The following NLGN1 variants were observed in gnomAD, a reference collection of about 807,000 sequenced individuals.
NLGN1 encodes the protein neuroligin-1.
In NLGN1, 12 loss-of-function variants were observed where a neutral mutation model predicts 65.5. The ratio of observed to expected loss-of-function variants is 0.18; its 90% CI spans 0.12 to 0.30. The LOEUF (loss-of-function observed/expected upper bound fraction) is 0.30, where lower values mean the gene tolerates loss of function less well. Among genes scored for constraint, NLGN1 ranks in the 10% least tolerant of loss-of-function variants. NLGN1 has a pLI of 1.00. For missense variants in NLGN1, 750 were observed against 1,007.1 expected (o/e 0.74, Z 3.46); for synonymous variants, 350 against 359.5 (o/e 0.97, Z 0.30).
At chr3:173,988,237 A>G (rs965309436) in intron 4 of NLGN1, among the ~76,000 whole-genome samples, 1 of 152,190 alleles carries the variant, frequency 6.6e-6, no homozygotes, top group African/African-American at 2.4e-5. Context: ...TCAGGGGACT[A>G]GAATTGGGGC....
At chr3:173,749,747 T>A (rs553675760) in intron 3 of NLGN1, among the ~76,000 whole-genome samples, 4 of 152,216 alleles carry the variant, frequency 2.6e-5, no homozygotes, top group African/African-American at 9.6e-5. Context: ...TTATAACCTA[T>A]TAAACATTAC....
intron 3 of NLGN1, among the ~76,000 whole-genome samples, chr3:173,780,978 A>G (rs2046723): frequency 0.79 from 120,045 of 151,108 alleles, 48,578 homozygotes; most frequent in Non-Finnish European, 0.86. Context: ...CGTCTCTAGT[A>G]AAAAATACAA....
At chr3:174,056,697 G>A (rs1326803534) in intron 4 of NLGN1, among the ~76,000 whole-genome samples, 1 of 151,876 alleles carries the variant, frequency 6.6e-6, no homozygotes, top group Non-Finnish European at 1.5e-5. Context: ...AACACTAAGT[G>A]TCTGTATGCC....
At chr3:173,528,820 A>G (rs943364861) in intron 2 of NLGN1, among the ~76,000 whole-genome samples, 5 of 151,972 alleles carry the variant, frequency 3.3e-5, no homozygotes, top group Admixed American at 3.3e-4. Context: ...TAAGACATCT[A>G]TCTCTTCCTT....
At chr3:173,499,006 C>T (rs1273170382) in intron 2 of NLGN1, among the ~76,000 whole-genome samples, 1 of 151,046 alleles carries the variant, frequency 6.6e-6, no homozygotes, top group Non-Finnish European at 1.5e-5. Context: ...CTGTAGGTTG[C>T]CTGTTCACTC....
chr3:173,868,742 C>T (rs1730648006), intron 4 of NLGN1, among the ~76,000 whole-genome samples: 1 of 152,176 alleles, frequency 6.6e-6, no homozygotes, highest in East Asian at 1.9e-4. Context: ...GCCCTATCTC[C>T]AAAGAATCTG....
At chr3:173,797,301 C>T (rs915813766) in intron 3 of NLGN1, among the ~76,000 whole-genome samples, 3 of 152,128 alleles carry the variant, frequency 2.0e-5, no homozygotes, top group Non-Finnish European at 4.4e-5. Flanking sequence ...TACCAACCCT[C>T]TTCTTCCTAG....
intron 2 of NLGN1, among the ~76,000 whole-genome samples, chr3:173,531,684 AAAGTT>A (rs1560393142): frequency 1.3e-5 from 2 of 152,096 alleles, no homozygotes; most frequent in South Asian, 2.1e-4. Flanking sequence ...CTTTATATTC[AAAGTT>A]AAGTTAACCA....
chr3:173,874,487 G>A (rs1180096318), intron 4 of NLGN1, among the ~76,000 whole-genome samples: 1 of 152,048 alleles, frequency 6.6e-6, no homozygotes, highest in Non-Finnish European at 1.5e-5. Flanking sequence ...ATCTAGCAAG[G>A]GAATATAATT....
intron 2 of NLGN1, among the ~76,000 whole-genome samples, chr3:173,547,075 A>T (rs1470523891): frequency 2.6e-5 from 4 of 152,142 alleles, no homozygotes; most frequent in Non-Finnish European, 4.4e-5. Context: ...GAGATACTCC[A>T]CTTTGGCATA....
intron 1 of NLGN1, among the ~76,000 whole-genome samples, chr3:173,414,693 G>C (rs151107363): frequency 2.0e-4 from 31 of 152,182 alleles, no homozygotes; most frequent in African/African-American, 7.0e-4. Context: ...CCCTTGAAAA[G>C]AAAAGGACCT....
intron 2 of NLGN1, among the ~76,000 whole-genome samples, chr3:173,551,661 G>T (rs1502474): frequency 1.3e-5 from 2 of 151,670 alleles, no homozygotes; most frequent in Non-Finnish European, 2.9e-5. Flanking sequence ...ACTTTTTATG[G>T]AGTAATGTGA....
chr3:174,098,575 T>C (rs747184132), intron 4 of NLGN1, among the ~76,000 whole-genome samples: 15 of 152,188 alleles, frequency 9.9e-5, no homozygotes, highest in Admixed American at 4.6e-4. Context: ...TCTGCAGTCC[T>C]ACTGAGGACT....
At chr3:174,146,578 T>C (rs188650371) in intron 4 of NLGN1, among the ~76,000 whole-genome samples, 49 of 152,224 alleles carry the variant, frequency 3.2e-4, no homozygotes, top group African/African-American at 1.1e-3. Flanking sequence ...ATCTTTTTTT[T>C]TTTTTTTAGA....
At position 173,997,795 on chromosome 3, in the gene NLGN1, C is replaced by G. The variant is rs112628152; in HGVS notation, c.646+189963C>G. On this transcript the variant is annotated intron_variant, in intron 4 of 6. Transcript: ENST00000457714. ...TAAAAAATATCCTTATTTATTCTAG[C>G]CACTTAATTTAAAAGGGCTTTTACA... Among the ~76,000 whole-genome samples, 1,435 of 152,186 alleles carry G rather than the reference C, an allele frequency of 9.4e-3. 17 individuals are homozygous for G. The highest frequency in any genetic ancestry group is 0.017 in the Middle Eastern group (5 of 294).
chr3:173,619,332 G>C (rs1049688509), intron 3 of NLGN1, among the ~76,000 whole-genome samples: 1 of 152,108 alleles, frequency 6.6e-6, no homozygotes, highest in African/African-American at 2.4e-5. Flanking sequence ...TAAAAGATCT[G>C]TTCCTCTATT....
intron 3 of NLGN1, among the ~76,000 whole-genome samples, chr3:173,766,302 T>C (rs909740095): frequency 2.6e-5 from 4 of 152,124 alleles, no homozygotes; most frequent in Non-Finnish European, 5.9e-5. Flanking sequence ...TTGGCCAGGC[T>C]GGTCTCGAAC....
At chr3:174,097,467 T>C (rs1379609690) in intron 4 of NLGN1, among the ~76,000 whole-genome samples, 2 of 152,192 alleles carry the variant, frequency 1.3e-5, no homozygotes, top group Non-Finnish European at 2.9e-5. Flanking sequence ...ATTATTTGAA[T>C]TTAGAGCTGC....
At chr3:173,944,858 T>A (rs548744479) in intron 4 of NLGN1, among the ~76,000 whole-genome samples, 1 of 152,264 alleles carries the variant, frequency 6.6e-6, no homozygotes, top group African/African-American at 2.4e-5. Context: ...TATTCAGTAA[T>A]CATGATTTGT....
Sources: allele counts gnomAD v4.1 joint callset (sites outside exome capture counted in the v4.1 genomes callset), GRCh38; gene constraint gnomAD v4.1.1; transcripts MANE v1.5; gene names NCBI Gene and HGNC (gene_info 2026-07-23, HGNC 2026-07-21).